The following PDE1C variants were observed in gnomAD, a reference collection of about 807,000 sequenced individuals.
The protein encoded by PDE1C is dual specificity calcium/calmodulin-dependent 3',5'-cyclic nucleotide phosphodiesterase 1C.
PDE1C carries 62 observed loss-of-function variants against 93.1 expected under a neutral mutation model. That is an observed-to-expected ratio of 0.67 (90% CI 0.54 to 0.82). The LOEUF (loss-of-function observed/expected upper bound fraction) is 0.82. PDE1C is among the 40% of genes least tolerant of loss of function. The pLI, the probability that PDE1C is intolerant of heterozygous loss-of-function variation, is 0.00. For missense variants in PDE1C, 742 were observed against 884.6 expected, an observed-to-expected ratio of 0.84 and a Z score of 2.04; for synonymous variants, 325 against 310.1, an observed-to-expected ratio of 1.05 and a Z score of -0.50.
chr7:32,112,597 T>G (rs1013166828), intron 3 of PDE1C, among the ~76,000 whole-genome samples: 2 of 148,386 alleles, frequency 1.3e-5, no homozygotes, highest in Admixed American at 1.3e-4. Context: ...CCTAGGACTA[T>G]AGACACATGC....
chr7:32,290,774 C>G (rs1198823910), intron 1 of PDE1C, among the ~76,000 whole-genome samples: 2 of 152,166 alleles, frequency 1.3e-5, no homozygotes, highest in Non-Finnish European at 2.9e-5. Context: ...AATGGGAACA[C>G]ATGGATCCAT....
At chr7:31,939,979 A>G (rs545966359) in intron 2 of PDE1C, among the ~76,000 whole-genome samples, 6 of 152,292 alleles carry the variant, frequency 3.9e-5, no homozygotes, top group African/African-American at 1.4e-4. Context: ...AATCTGGGAA[A>G]CTAGGAAATC....
chr7:31,776,706 T>C (rs1444961091), intron 16 of PDE1C, among the ~76,000 whole-genome samples: 1 of 152,158 alleles, frequency 6.6e-6, no homozygotes, highest in Non-Finnish European at 1.5e-5. Flanking sequence ...TTCATTCATT[T>C]ATTTTGTCAT....
intron 3 of PDE1C, among the ~76,000 whole-genome samples, chr7:32,095,717 TG>T (rs1797715278): frequency 6.6e-6 from 1 of 152,220 alleles, no homozygotes; most frequent in African/African-American, 2.4e-5. Flanking sequence ...AAGCTGCTGC[TG>T]GGGGTGCTTC....
At chr7:31,989,051 A>C (rs2129072174) in intron 2 of PDE1C, among the ~76,000 whole-genome samples, 1 of 150,864 alleles carries the variant, frequency 6.6e-6, no homozygotes, top group Non-Finnish European at 1.5e-5. Flanking sequence ...GGAAAGAAAG[A>C]GAAAAAATAG....
upstream of PDE1C, chr7:32,428,195 C>G (rs1220816562): frequency 6.6e-6 from 1 of 152,392 alleles, no homozygotes; most frequent in Non-Finnish European, 1.5e-5. Context: ...ACGGCCCTCG[C>G]CTGCCGAAGG....
chr7:32,019,150 TAAAAAAAAAA>T (rs75146295), intron 2 of PDE1C, among the ~76,000 whole-genome samples: 7 of 118,842 alleles, frequency 5.9e-5, no homozygotes, highest in African/African-American at 2.2e-4. Context: ...TATGTTGTTT[TAAAAAAAAAA>T]AAAAAAAAAA....
In PDE1C at chr7:32,050,394, C is replaced by T. The variant is rs568301705; in HGVS notation, c.128+1160G>A. The stretch of plus-strand genomic sequence containing the variant: ...GGAGGTTGGAAGTAGCAAGAAATGA[C>T]GCTGGAGAAATAAAAGAGGTCATGG... On this transcript the variant is annotated intron_variant, in intron 2 of 17. Coordinates refer to ENST00000396191, the MANE Select transcript of PDE1C (RefSeq NM_001191057.4). 1.1e-4 allele frequency among the ~76,000 whole-genome samples: 17 copies of T among 152,140 alleles called. No individual in the cohort carries two copies. In the South Asian group the frequency reaches 2.1e-3, roughly 19 times the overall value.
chr7:31,642,100 C>G, the PDE1C span: 1 of 990,050 alleles, frequency 1.0e-6, no homozygotes, highest in African/African-American at 1.6e-5. Flanking sequence ...GTGTCAGGCA[C>G]CTAGAGGGGT....
At chr7:31,726,310 G>A in the PDE1C span, among the ~76,000 whole-genome samples, 3 of 152,020 alleles carry the variant, frequency 2.0e-5, no homozygotes, top group African/African-American at 7.2e-5. Flanking sequence ...ATCATACACT[G>A]GCCTCCCAAA....
the PDE1C span, among the ~76,000 whole-genome samples, chr7:31,706,377 T>G: frequency 5.8e-3 from 886 of 152,276 alleles, 3 homozygotes; most frequent in South Asian, 0.011. Context: ...CTTTATAAGG[T>G]TGCATTTCAA....
intron 3 of PDE1C, among the ~76,000 whole-genome samples, chr7:32,089,802 C>T (rs1379466489): frequency 6.6e-6 from 1 of 152,154 alleles, no homozygotes; most frequent in East Asian, 1.9e-4. Context: ...GAGTCAGGGA[C>T]CCCAGATAAG....
At chr7:31,741,899 T>G in the PDE1C span, among the ~76,000 whole-genome samples, 2 of 152,138 alleles carry the variant, frequency 1.3e-5, no homozygotes, top group Non-Finnish European at 2.9e-5. Context: ...CTCCCCAGAG[T>G]TAACAACTTC....
chr7:32,399,387 A>G (rs1287336828), intron 1 of PDE1C, among the ~76,000 whole-genome samples: 1 of 151,900 alleles, frequency 6.6e-6, no homozygotes, highest in Non-Finnish European at 1.5e-5. Flanking sequence ...ACAGAAATTT[A>G]TTTTCTCATG....
At chr7:31,991,320 A>G (rs1784111675) in intron 2 of PDE1C, among the ~76,000 whole-genome samples, 1 of 152,186 alleles carries the variant, frequency 6.6e-6, no homozygotes, top group South Asian at 2.1e-4. Flanking sequence ...AAACGAGGTT[A>G]GGCCCTCTGA....
intron 1 of PDE1C, among the ~76,000 whole-genome samples, chr7:32,366,718 A>G (rs1267948469): frequency 6.6e-6 from 1 of 152,140 alleles, no homozygotes; most frequent in African/African-American, 2.4e-5. Context: ...CTAACAGTGG[A>G]TTTCTCAGCA....
intron 2 of PDE1C, among the ~76,000 whole-genome samples, chr7:31,914,726 C>A (rs1048949709): frequency 3.9e-5 from 6 of 152,166 alleles, no homozygotes; most frequent in Non-Finnish European, 4.4e-5. Flanking sequence ...ACAATTATAA[C>A]ATGATTATCT....
intron 3 of PDE1C, among the ~76,000 whole-genome samples, chr7:32,168,634 T>C (rs201179442): frequency 6.6e-6 from 1 of 152,212 alleles, no homozygotes; most frequent in Non-Finnish European, 1.5e-5. Context: ...GAGTGGGTTT[T>C]ATTTTATTCA....
At chr7:31,978,166 T>G (rs945117168) in intron 2 of PDE1C, among the ~76,000 whole-genome samples, 11 of 152,172 alleles carry the variant, frequency 7.2e-5, no homozygotes, top group Non-Finnish European at 1.3e-4. Flanking sequence ...TGACCAGATA[T>G]TTTCAACATA....
Sources: allele counts gnomAD v4.1 joint callset (sites outside exome capture counted in the v4.1 genomes callset), GRCh38; gene constraint gnomAD v4.1.1; transcripts MANE v1.5; gene names NCBI Gene and HGNC (gene_info 2026-07-23, HGNC 2026-07-21).